CNTN4: variants seen among roughly 807,000 people sequenced by gnomAD.
The protein encoded by CNTN4 is contactin-4.
In CNTN4, 77 loss-of-function variants were observed where a neutral mutation model predicts 122.5. The ratio of observed to expected loss-of-function variants is 0.63; its 90% CI spans 0.52 to 0.76. The LOEUF is 0.76. CNTN4 is among the 30% of genes least tolerant of loss of function. CNTN4 has a pLI of 0.00. For synonymous variants in CNTN4, 512 were observed against 447.0 expected, an observed-to-expected ratio of 1.15 and a Z score of -1.83; for missense variants, 1,256 against 1,259.1, an observed-to-expected ratio of 1.00 and a Z score of 0.04.
intron 13 of CNTN4, among the ~76,000 whole-genome samples, chr3:2,981,306 T>A (rs940477438): frequency 1.3e-5 from 2 of 151,352 alleles, no homozygotes; most frequent in Non-Finnish European, 2.9e-5. Context: ...TAGCCGGGCG[T>A]GGTGGCGGGC....
intron 13 of CNTN4, among the ~76,000 whole-genome samples, chr3:2,965,227 A>G (rs1410375531): frequency 6.6e-6 from 1 of 152,210 alleles, no homozygotes; most frequent in Non-Finnish European, 1.5e-5. Context: ...AGCATATCGG[A>G]GCCAAATTTC....
intron 23 of CNTN4, among the ~76,000 whole-genome samples, chr3:3,053,119 C>T (rs1403694619): frequency 6.6e-6 from 1 of 152,222 alleles, no homozygotes; most frequent in African/African-American, 2.4e-5. Flanking sequence ...ACTGCAACGT[C>T]TGCCTCCCGG....
intron 2 of CNTN4, among the ~76,000 whole-genome samples, chr3:2,333,214 A>C (rs1398231146): frequency 6.6e-6 from 1 of 152,214 alleles, no homozygotes; most frequent in African/African-American, 2.4e-5. Flanking sequence ...TAGGCTCTTA[A>C]GTGTCTTCCA....
At chr3:2,745,865 T>C (rs1383936937) in intron 6 of CNTN4, among the ~76,000 whole-genome samples, 168 bp downstream of exon 6, 1 of 152,208 alleles carries the variant, frequency 6.6e-6, no homozygotes, top group African/African-American at 2.4e-5. Flanking sequence ...GGATAAACTG[T>C]AAATCTAAGT....
At chr3:2,878,535 C>G (rs2093871181) in intron 8 of CNTN4, among the ~76,000 whole-genome samples, 2 of 145,238 alleles carry the variant, frequency 1.4e-5, no homozygotes, top group African/African-American at 5.1e-5. Flanking sequence ...GGTAAGAGAA[C>G]AACAGAAGAG....
chr3:2,999,882 A>G (rs1413701293), intron 14 of CNTN4, among the ~76,000 whole-genome samples: 1 of 152,126 alleles, frequency 6.6e-6, no homozygotes, highest in Non-Finnish European at 1.5e-5. Flanking sequence ...CTTTCCTCAA[A>G]CTTTTCCTAT....
intron 8 of CNTN4, among the ~76,000 whole-genome samples, chr3:2,881,929 A>G (rs187042436): frequency 6.6e-6 from 1 of 152,224 alleles, no homozygotes; most frequent in Non-Finnish European, 1.5e-5. Context: ...CTATCTTTTT[A>G]TAGTAAGCCA....
rs1056768046 is a variant in CNTN4, at chr3:2,841,788, T to C, written c.454+22207T>C. 6.6e-6 allele frequency among the ~76,000 whole-genome samples: 1 copy of C among 152,204 alleles called. No individual in the cohort carries two copies. Among genetic ancestry groups the C allele is most frequent in the Admixed American group, 6.5e-5 (1 of 15,282 alleles). On this transcript the variant is annotated intron_variant, in intron 7 of 24. Transcript: ENST00000418658. This position sits in a 1 kb window ranked among gnomAD's most constrained non-coding sequence, Gnocchi z 4.8. Reference sequence around the variant, plus strand: ...TTTCAGGAATTTTATTCTTCCTCCCTTGACCACAAATATTAAACGTTTCAC... The same window carrying C: ...TTTCAGGAATTTTATTCTTCCTCCCCTGACCACAAATATTAAACGTTTCAC...
chr3:2,218,371 C>T (rs1486496534), intron 2 of CNTN4, among the ~76,000 whole-genome samples: 1 of 152,054 alleles, frequency 6.6e-6, no homozygotes, highest in South Asian at 2.1e-4. Context: ...AAGCATAAGT[C>T]TAGCTAGGCA....
chr3:2,489,557 G>C (rs1278815288), intron 3 of CNTN4, among the ~76,000 whole-genome samples: 1 of 152,198 alleles, frequency 6.6e-6, no homozygotes, highest in Non-Finnish European at 1.5e-5. Flanking sequence ...GAGGAATTAA[G>C]AGAGTTTGAA....
At chr3:2,978,381 G>T (rs575809381) in intron 13 of CNTN4, among the ~76,000 whole-genome samples, 1 of 152,288 alleles carries the variant, frequency 6.6e-6, no homozygotes, top group African/African-American at 2.4e-5. Context: ...TCAAAGGCCT[G>T]CAGGGGCCTG....
chr3:2,396,540 T>C (rs1456615793), intron 3 of CNTN4, among the ~76,000 whole-genome samples: 2 of 152,086 alleles, frequency 1.3e-5, no homozygotes, highest in Non-Finnish European at 2.9e-5. Context: ...CAGATCCTCA[T>C]TGAAAATGAG....
At chr3:3,006,806 C>T (rs898638427) in intron 14 of CNTN4, among the ~76,000 whole-genome samples, 2 of 152,156 alleles carry the variant, frequency 1.3e-5, no homozygotes, top group Admixed American at 6.5e-5. Flanking sequence ...TCCGTTTTTC[C>T]TCCTTAAAAT....
At chr3:2,148,665 T>C (rs1406322272) in intron 2 of CNTN4, among the ~76,000 whole-genome samples, 1 of 152,198 alleles carries the variant, frequency 6.6e-6, no homozygotes, top group Admixed American at 6.5e-5. Flanking sequence ...GTAAATCTTA[T>C]GAGGCTTGAT....
intron 2 of CNTN4, among the ~76,000 whole-genome samples, chr3:2,117,114 C>T (rs528028705): frequency 6.6e-6 from 1 of 152,136 alleles, no homozygotes; most frequent in African/African-American, 2.4e-5. Flanking sequence ...AAGACTGTCC[C>T]CTACTCCCAA....
At chr3:2,341,786 G>C (rs538902916) in intron 3 of CNTN4, among the ~76,000 whole-genome samples, 4 of 152,266 alleles carry the variant, frequency 2.6e-5, no homozygotes, top group Non-Finnish European at 5.9e-5. Context: ...TAAAAATTTG[G>C]AGATTTTACA....
At chr3:2,457,763 G>T (rs1390405465) in intron 3 of CNTN4, among the ~76,000 whole-genome samples, 1 of 152,062 alleles carries the variant, frequency 6.6e-6, no homozygotes, top group East Asian at 1.9e-4. Flanking sequence ...AAATTTCCAT[G>T]TCCCTGTGTA....
Position 3,040,434 on chromosome 3 carries a change from A to G in CNTN4, c.2398+163A>G, listed in dbSNP as rs1439860255. 7.5e-6 allele frequency: 5 copies of G among 669,402 alleles called. No homozygotes were observed. In the African/African-American group the frequency reaches 8.9e-5, roughly 12 times the overall value. The allele number at this position is 669,402 out of a possible 1,614,324, so 41.5% of individuals were successfully genotyped here. On this transcript the variant is annotated intron_variant, in intron 20 of 24. Transcript: ENST00000418658. ...CAATTTGGTTCGCTGTCCACCATGA[A>G]TCTCTTGAAAAGATAGCGACTGCTC... is the stretch of plus-strand genomic sequence containing the variant.
chr3:2,942,264 A>T (rs6787320), intron 13 of CNTN4, among the ~76,000 whole-genome samples: 5 of 152,042 alleles, frequency 3.3e-5, no homozygotes, highest in African/African-American at 1.2e-4. Context: ...TAATTTAGGG[A>T]GTTGGAATAA....
Sources: allele counts gnomAD v4.1 joint callset (sites outside exome capture counted in the v4.1 genomes callset), GRCh38; gene constraint gnomAD v4.1.1; non-coding constraint Gnocchi (gnomAD v3.1); transcripts MANE v1.5; gene names NCBI Gene and HGNC (gene_info 2026-07-23, HGNC 2026-07-21).